Variants in DYM observed in about 807,000 individuals in gnomAD.
The protein encoded by DYM is dyggve-Melchior-Clausen syndrome protein.
DYM carries 78 observed loss-of-function variants against 93.1 expected under a neutral mutation model. That is an observed-to-expected ratio of 0.84 (90% CI 0.70 to 1.01). The LOEUF (loss-of-function observed/expected upper bound fraction) is 1.01, where lower values mean the gene tolerates loss of function less well. Among genes scored for constraint, DYM ranks in the 50% least tolerant of loss-of-function variants. The pLI is 0.00. For synonymous variants in DYM, 321 were observed against 319.7 expected (o/e 1.00, Z -0.04); for missense variants, 789 against 845.0 (o/e 0.93, Z 0.82).
chr18:49,067,355 A>G (rs1433754367), intron 17 of DYM, among the ~76,000 whole-genome samples: 4 of 116,838 alleles, frequency 3.4e-5, no homozygotes, highest in Non-Finnish European at 5.1e-5. Flanking sequence ...TAGGGGAAGG[A>G]GTGGGGTGAT....
At chr18:49,271,324 C>A (rs2067502866) in intron 11 of DYM, among the ~76,000 whole-genome samples, 1 of 151,862 alleles carries the variant, frequency 6.6e-6, no homozygotes, top group South Asian at 2.1e-4. Context: ...AAAATAACAT[C>A]AAAAATAATA....
At chr18:49,149,991 G>C (rs918821312) in intron 15 of DYM, among the ~76,000 whole-genome samples, 2 of 152,176 alleles carry the variant, frequency 1.3e-5, no homozygotes, top group African/African-American at 4.8e-5. Context: ...ACAGGCATGA[G>C]CCACCACACC....
chr18:49,340,142 C>T (rs565420544), intron 6 of DYM, among the ~76,000 whole-genome samples: 1 of 152,034 alleles, frequency 6.6e-6, no homozygotes, highest in South Asian at 2.1e-4. Context: ...TTAGTAGAGA[C>T]GGGGTTTCAC....
At chr18:49,214,377 A>G (rs1380869559) in intron 13 of DYM, among the ~76,000 whole-genome samples, 4 of 152,152 alleles carry the variant, frequency 2.6e-5, no homozygotes, top group African/African-American at 9.7e-5. Flanking sequence ...TATGCTCCTC[A>G]TGAGAATCTA....
At chr18:49,125,122 T>C (rs1202320415) in intron 15 of DYM, among the ~76,000 whole-genome samples, 6 of 152,050 alleles carry the variant, frequency 3.9e-5, no homozygotes, top group Non-Finnish European at 5.9e-5. Flanking sequence ...TAGCTGGGTG[T>C]GGTGGCACAC....
chr18:49,327,055 G>A (rs1222038018), intron 8 of DYM, among the ~76,000 whole-genome samples: 1 of 128,346 alleles, frequency 7.8e-6, no homozygotes, highest in Non-Finnish European at 1.6e-5. Context: ...GAGAGAAAGA[G>A]AAAGGGGGAG....
At chr18:49,072,542 C>T (rs2076975210) in intron 17 of DYM, among the ~76,000 whole-genome samples, 1 of 152,220 alleles carries the variant, frequency 6.6e-6, no homozygotes, top group Non-Finnish European at 1.5e-5. Context: ...TAGTGAACAG[C>T]AAAATAGAGT....
At chr18:49,231,192 T>G (rs1192970442) in intron 13 of DYM, among the ~76,000 whole-genome samples, 2 of 152,208 alleles carry the variant, frequency 1.3e-5, no homozygotes, top group African/African-American at 4.8e-5. Context: ...TATGCGCTTA[T>G]GTATGCATAT....
intron 14 of DYM, among the ~76,000 whole-genome samples, chr18:49,174,959 C>T (rs890893863): frequency 3.8e-4 from 58 of 152,194 alleles, no homozygotes; most frequent in African/African-American, 1.4e-3. Context: ...TCAAAGCCGA[C>T]GAAGACAGAA....
intron 17 of DYM, among the ~76,000 whole-genome samples, chr18:49,079,009 C>T (rs1318765644): frequency 1.3e-5 from 2 of 152,172 alleles, no homozygotes; most frequent in South Asian, 2.1e-4. Flanking sequence ...TGGTTTTTGT[C>T]ATTGGCTTTC....
At chr18:49,287,678 A>T (rs2059751156) in intron 8 of DYM, among the ~76,000 whole-genome samples, 1 of 152,024 alleles carries the variant, frequency 6.6e-6, no homozygotes, top group South Asian at 2.1e-4. Context: ...CCCTGTCTCT[A>T]CTAAAAATAC....
chr18:49,148,550 C>G (rs907068610), intron 15 of DYM, among the ~76,000 whole-genome samples: 7 of 152,080 alleles, frequency 4.6e-5, no homozygotes, highest in African/African-American at 1.7e-4. Context: ...AGCCCCGGCA[C>G]CAAGCCTTTA....
chr18:49,411,373 T>C (rs1049079624), intron 2 of DYM, among the ~76,000 whole-genome samples: 18 of 152,126 alleles, frequency 1.2e-4, no homozygotes, highest in African/African-American at 4.3e-4. Flanking sequence ...GAAAACAAAA[T>C]TTTAAATCTA....
Position 49,163,778 on chromosome 18 carries a change from A to G in DYM, c.1635T>C (p.Ser545=), listed in dbSNP as rs1243881796. Residue 545 remains serine (S), a synonymous_variant, in exon 15 of 18, where the codon TCT becomes TCC. Coordinates refer to ENST00000675505, the MANE Select transcript of DYM (RefSeq NM_001353214.3). ...ILRSYASSLF[S]LLSKKHNKVL... is the part of the protein sequence containing the mutation. The stretch of plus-strand genomic sequence containing the variant: ...CTTTGTTGTGTTTTTTAGACAGCAA[A>G]GAAAATAAACTGGAAAAACAAACAA... The G allele has an allele frequency of 1.2e-6, 2 of 1,607,778 alleles. No individual in the cohort carries two copies. Among genetic ancestry groups the G allele is most frequent in the African/African-American group, 2.7e-5 (2 of 74,734 alleles).
chr18:49,085,652 G>A (rs1342660680), intron 17 of DYM, among the ~76,000 whole-genome samples: 2 of 134,616 alleles, frequency 1.5e-5, no homozygotes, highest in Non-Finnish European at 3.1e-5. Context: ...CTGTCACCCA[G>A]GCTGGAGTGC....
chr18:49,418,697 T>C (rs1358654557), intron 2 of DYM, among the ~76,000 whole-genome samples: 2 of 152,208 alleles, frequency 1.3e-5, no homozygotes, highest in African/African-American at 4.8e-5. Flanking sequence ...CTCAGAATTA[T>C]CTAGATTCAG....
intron 6 of DYM, among the ~76,000 whole-genome samples, chr18:49,361,061 A>G (rs2065972951): frequency 6.6e-6 from 1 of 152,248 alleles, no homozygotes; most frequent in African/African-American, 2.4e-5. Flanking sequence ...ACATGGTCAC[A>G]TGGAACCGCC....
intron 14 of DYM, among the ~76,000 whole-genome samples, chr18:49,204,134 A>G (rs1192477312): frequency 6.6e-6 from 1 of 152,234 alleles, no homozygotes; most frequent in Non-Finnish European, 1.5e-5. Flanking sequence ...AATAGATTGT[A>G]GAAGAGTTAT....
chr18:49,104,521 C>A (rs2080563051), intron 16 of DYM, among the ~76,000 whole-genome samples: 1 of 152,142 alleles, frequency 6.6e-6, no homozygotes, highest in Non-Finnish European at 1.5e-5. Context: ...CCAGTTTTTG[C>A]CCATTCAGTA....
Sources: allele counts gnomAD v4.1 joint callset (sites outside exome capture counted in the v4.1 genomes callset), GRCh38; gene constraint gnomAD v4.1.1; transcripts MANE v1.5; gene names NCBI Gene and HGNC (gene_info 2026-07-23, HGNC 2026-07-21).